HPF1: variants seen among roughly 807,000 people sequenced by gnomAD.
The protein encoded by HPF1 is UPF0609 protein C4orf27.
HPF1 carries 35 observed loss-of-function variants against 38.8 expected under a neutral mutation model. The observed-to-expected ratio is 0.90, with a 90% CI of 0.69 to 1.19. The LOEUF is 1.19. Ranked by LOEUF, HPF1 falls within the 50% of genes most tolerant of loss-of-function variation. The pLI is 0.00. For missense variants in HPF1, 367 were observed against 405.8 expected (o/e 0.90, Z 0.82); for synonymous variants, 115 against 139.2 (o/e 0.83, Z 1.22).
Position 169,753,846 on chromosome 4 carries a change from G to A in HPF1, c.49-11C>T, listed in dbSNP as rs780445157. 10 of 1,600,380 alleles carry A rather than the reference G, an allele frequency of 6.2e-6. No individual in the cohort carries two copies. The highest frequency in any genetic ancestry group is 8.5e-6 in the Non-Finnish European group (10 of 1,174,864). On this transcript the variant is annotated splice_polypyrimidine_tract_variant and intron_variant, in intron 1 of 7. Transcript: ENST00000393381. ...AGTTGTTTTTTCACACTGAAAATTG[G>A]CACACAAACTTTAGTTCTCCAAATT... is the stretch of plus-strand genomic sequence containing the variant.
At chr4:169,729,850 A>T in intron 7 of HPF1, 141 bp from the exon 8 acceptor site, 3 of 540,400 alleles carry the variant, frequency 5.6e-6, no homozygotes, top group Non-Finnish European at 8.5e-6. Flanking sequence ...GTTAGTGAAC[A>T]TAATTTAAGG....
At chr4:169,739,708 T>C (rs953494080) in intron 5 of HPF1, among the ~76,000 whole-genome samples, 32 of 152,106 alleles carry the variant, frequency 2.1e-4, no homozygotes, top group African/African-American at 7.7e-4. Flanking sequence ...TATGGCAGGA[T>C]TGTGTTTGTG....
rs1488463463 is a variant in HPF1 at position 169,751,497 on chromosome 4, A to AACCCTAACCC, written c.209-773_209-772insGGGTTAGGGT. On this transcript the variant is annotated intron_variant, in intron 2 of 7. Coordinates refer to ENST00000393381, the MANE Select transcript of HPF1 (RefSeq NM_017867.3). Reference sequence around the variant, plus strand: ...GATTCCCCTGACTCTTTGACAATCTATTTGGCCAACCCTAACCCTGGATGA... The same window carrying AACCCTAACCC: ...GATTCCCCTGACTCTTTGACAATCTAACCCTAACCCTTTGGCCAACCCTAACCCTGGATGA... Among the ~76,000 whole-genome samples the AACCCTAACCC allele has an allele frequency of 2.0e-5, 3 of 151,724 alleles. No homozygotes were observed. The East Asian group carries it at 5.8e-4, about 29-fold the overall frequency.
chr4:169,741,173 G>T (rs1286406808), intron 5 of HPF1, among the ~76,000 whole-genome samples: 1 of 152,162 alleles, frequency 6.6e-6, no homozygotes, highest in Non-Finnish European at 1.5e-5. Context: ...AACTGAAGTA[G>T]GATTTAATGC....
intron 2 of HPF1, among the ~76,000 whole-genome samples, chr4:169,752,718 G>T (rs1264786938): frequency 6.6e-6 from 1 of 152,196 alleles, no homozygotes; most frequent in Non-Finnish European, 1.5e-5. Flanking sequence ...CTGAATAGAT[G>T]TGGTATTGGT....
intron 4 of HPF1, among the ~76,000 whole-genome samples, chr4:169,743,119 T>C (rs1275868868): frequency 6.6e-6 from 1 of 151,852 alleles, no homozygotes; most frequent in Non-Finnish European, 1.5e-5. Flanking sequence ...AAAACTGTCT[T>C]TTTTTCCGAG....
At position 169,729,548 on chromosome 4, in the gene HPF1, AAT is replaced by A. The variant is rs146610821; in HGVS notation, c.*28_*29del. 43,867 of 1,408,510 alleles carry A rather than the reference AAT, an allele frequency of 0.031. 898 individuals carry two copies. Among genetic ancestry groups the A allele is most frequent in the African/African-American group, 0.095 (6,434 of 67,684 alleles). 87.3% of individuals were successfully genotyped at this position (1,408,510 alleles called of 1,614,324 possible). ...CACAAGTTTAATACTAGTCCTTTGA[AAT>A]ACTGTACACCAATCAAAGCCACCTT... On this transcript the variant is annotated 3_prime_UTR_variant, in exon 8 of 8. Coordinates refer to ENST00000393381, the MANE Select transcript of HPF1 (RefSeq NM_017867.3).
At chr4:169,754,117 A>G (rs2150293885) in intron 1 of HPF1, among the ~76,000 whole-genome samples, 1 of 152,356 alleles carries the variant, frequency 6.6e-6, no homozygotes, top group South Asian at 2.1e-4. Flanking sequence ...AATAATAAAG[A>G]GCAGGAAGAG....
intron 3 of HPF1, among the ~76,000 whole-genome samples, chr4:169,749,477 G>A (rs887407727): frequency 9.9e-5 from 15 of 151,886 alleles, no homozygotes; most frequent in Admixed American, 9.8e-4. Flanking sequence ...CAAATTATTC[G>A]ATCTGCTAAC....
At chr4:169,742,609 G>A (rs548506998) in intron 4 of HPF1, among the ~76,000 whole-genome samples, 51 of 152,208 alleles carry the variant, frequency 3.4e-4, no homozygotes, top group South Asian at 2.3e-3. Flanking sequence ...TGGCTAACAA[G>A]GTGAAACCCC....
intron 6 of HPF1, 75 bp downstream of exon 6, chr4:169,737,585 T>C: frequency 1.1e-6 from 1 of 934,642 alleles, no homozygotes; most frequent in Non-Finnish European, 1.8e-6. Flanking sequence ...TAGACATACC[T>C]ACTTCCCAAT....
chr4:169,740,130 T>C (rs753719275), intron 5 of HPF1, among the ~76,000 whole-genome samples: 3 of 152,150 alleles, frequency 2.0e-5, no homozygotes, highest in Non-Finnish European at 4.4e-5. Context: ...ATTTTATGCA[T>C]CATTTAACCA....
chr4:169,754,822 G>A (rs915650769), intron 1 of HPF1, among the ~76,000 whole-genome samples: 2 of 152,254 alleles, frequency 1.3e-5, no homozygotes, highest in African/African-American at 4.8e-5. Flanking sequence ...ATAATGCCCA[G>A]GATAGGCATC....
At chr4:169,753,593 CAG>C in intron 2 of HPF1, 81 bp downstream of exon 2, 1 of 1,179,218 alleles carries the variant, frequency 8.5e-7, no homozygotes, top group Non-Finnish European at 1.2e-6. Flanking sequence ...GCTGGGATTA[CAG>C]AGTGTGAGCC....
intron 4 of HPF1, among the ~76,000 whole-genome samples, chr4:169,746,391 C>A (rs1313104389): frequency 6.6e-6 from 1 of 151,590 alleles, no homozygotes; most frequent in Non-Finnish European, 1.5e-5. Flanking sequence ...TTAGAATATG[C>A]TTTCTAAGTT....
intron 3 of HPF1, among the ~76,000 whole-genome samples, chr4:169,749,720 CA>C (rs11413826): frequency 4.5e-4 from 57 of 127,268 alleles, no homozygotes; most frequent in Non-Finnish European, 7.3e-4. Context: ...TACTCAAATA[CA>C]AAAAAAAAAA....
At chr4:169,742,779 A>G (rs1027549440) in intron 4 of HPF1, among the ~76,000 whole-genome samples, 10 of 151,990 alleles carry the variant, frequency 6.6e-5, no homozygotes, top group Admixed American at 1.3e-4. Context: ...GCCACAGAGC[A>G]AGACTCCGTC....
At chr4:169,746,969 A>C (rs894110214) in intron 4 of HPF1, among the ~76,000 whole-genome samples, 1 of 138,836 alleles carries the variant, frequency 7.2e-6, no homozygotes, top group African/African-American at 2.6e-5. Context: ...ATGTTACATG[A>C]CCACTATTAT....
chr4:169,755,004 G>C lies in HPF1; in HGVS notation c.49-1169C>G, dbSNP rs1734169075. Among the ~76,000 whole-genome samples, 4 of 151,724 alleles carry C rather than the reference G, an allele frequency of 2.6e-5. No individual in the cohort carries two copies. In the South Asian group the frequency reaches 8.4e-4, roughly 32 times the overall value. On this transcript the variant is annotated intron_variant, in intron 1 of 7. Transcript: ENST00000393381. Reference sequence around the variant, plus strand: ...TACATATGTATACATGTGCCATGTTGGTGTACTGCACCCATTAACTCGTCA... The same window carrying C: ...TACATATGTATACATGTGCCATGTTCGTGTACTGCACCCATTAACTCGTCA...
Sources: allele counts gnomAD v4.1 joint callset (sites outside exome capture counted in the v4.1 genomes callset), GRCh38; gene constraint gnomAD v4.1.1; transcripts MANE v1.5; gene names NCBI Gene and HGNC (gene_info 2026-07-23, HGNC 2026-07-21).